ZNF236: variants seen among roughly 807,000 people sequenced by gnomAD.
ZNF236 encodes the protein regulated by glucose.
A neutral mutation model predicts 191.2 loss-of-function variants in ZNF236; 50 were observed. The observed-to-expected ratio is 0.26, with a 90% CI of 0.21 to 0.33. The LOEUF is 0.33. ZNF236 is among the 10% of genes least tolerant of loss of function. ZNF236 has a pLI of 1.00. For synonymous variants in ZNF236, 907 were observed against 928.8 expected, an observed-to-expected ratio of 0.98 and a Z score of 0.43; for missense variants, 1,754 against 2,374.5, an observed-to-expected ratio of 0.74 and a Z score of 5.43.
chr18:76,943,400 A>G (rs1968187369), intron 26 of ZNF236, among the ~76,000 whole-genome samples: 1 of 152,160 alleles, frequency 6.6e-6, no homozygotes, highest in African/African-American at 2.4e-5. Context: ...CTGAAGTCTG[A>G]CAGTTTTATC....
chr18:76,907,295 G>T (rs1415701048), intron 13 of ZNF236, among the ~76,000 whole-genome samples: 1 of 152,260 alleles, frequency 6.6e-6, no homozygotes, highest in Non-Finnish European at 1.5e-5. Flanking sequence ...GATGCAGCTT[G>T]TATGGTCTGT....
intron 4 of ZNF236, among the ~76,000 whole-genome samples, chr18:76,870,058 T>G (rs543716607): frequency 6.6e-6 from 1 of 152,362 alleles, no homozygotes; most frequent in South Asian, 2.1e-4. Flanking sequence ...TTAGGAAATA[T>G]CTGTACTTCT....
chr18:76,889,856 CTG>C (rs1977175470), intron 9 of ZNF236, among the ~76,000 whole-genome samples: 1 of 152,176 alleles, frequency 6.6e-6, no homozygotes, highest in South Asian at 2.1e-4. Context: ...GCACAGGCAT[CTG>C]TGTGATTGTT....
chr18:76,846,276 C>T (rs958816239), intron 1 of ZNF236, among the ~76,000 whole-genome samples: 8 of 152,178 alleles, frequency 5.3e-5, no homozygotes, highest in African/African-American at 1.9e-4. Context: ...TGATAGACCT[C>T]GTTCTGAACA....
intron 9 of ZNF236, among the ~76,000 whole-genome samples, chr18:76,884,349 C>T (rs954016110): frequency 8.0e-5 from 12 of 150,286 alleles, no homozygotes; most frequent in African/African-American, 1.2e-4. Flanking sequence ...TGCAGTGAGC[C>T]GAGATCATGC....
intron 30 of ZNF236, among the ~76,000 whole-genome samples, chr18:76,966,157 A>G (rs981670272): frequency 6.6e-6 from 1 of 152,082 alleles, no homozygotes; most frequent in East Asian, 1.9e-4. Flanking sequence ...TTATTCCCCT[A>G]GTTGTTTGGG....
Position 76,915,635 on chromosome 18 carries a change from C to A in ZNF236, c.3062-12C>A. The A allele has an allele frequency of 1.2e-6, 2 of 1,609,248 alleles. No homozygotes were observed. The stretch of plus-strand genomic sequence containing the variant: ...TTGGTTCCAGCCGTTTTTTCTGTTT[C>A]TGTGCTTGCAGGAGTGAAGGCGTTC... On this transcript the variant is annotated splice_polypyrimidine_tract_variant and intron_variant, in intron 18 of 30. Coordinates refer to ENST00000320610, the MANE Select transcript of ZNF236 (RefSeq NM_001306089.2).
intron 21 of ZNF236, among the ~76,000 whole-genome samples, chr18:76,924,721 A>T (rs1050822158): frequency 2.6e-5 from 4 of 152,208 alleles, no homozygotes; most frequent in Non-Finnish European, 5.9e-5. Flanking sequence ...TTTCCTTTGC[A>T]TATTCTCCCA....
Position 76,910,063 on chromosome 18 carries a change from C to A in ZNF236, c.2552-5C>A. 1 of 1,605,982 alleles carries A rather than the reference C, an allele frequency of 6.2e-7. No individual in the cohort carries two copies. On this transcript the variant is annotated splice_region_variant and splice_polypyrimidine_tract_variant and intron_variant, in intron 14 of 30. Transcript: ENST00000320610. ...GCGTCCCCCTTTTTTACATCTCATC[C>A]TCAGATGGGTTTGTGGCTCCACAGG...
At chr18:76,962,591 A>G (rs1255202961) in intron 30 of ZNF236, among the ~76,000 whole-genome samples, 2 of 152,144 alleles carry the variant, frequency 1.3e-5, no homozygotes, top group Non-Finnish European at 2.9e-5. Context: ...TAATTCTGTG[A>G]AGAATGATGT....
chr18:76,935,826 G>A (rs1251668391), intron 25 of ZNF236, among the ~76,000 whole-genome samples: 3 of 152,236 alleles, frequency 2.0e-5, no homozygotes, highest in Non-Finnish European at 2.9e-5. Context: ...GCATGCAGAC[G>A]TCCTCCACAA....
At chr18:76,865,923 C>A (rs970803259) in intron 3 of ZNF236, among the ~76,000 whole-genome samples, 12 of 152,150 alleles carry the variant, frequency 7.9e-5, no homozygotes, top group African/African-American at 2.2e-4. Context: ...GTTTTACTTT[C>A]AGAACACTGA....
intron 20 of ZNF236, among the ~76,000 whole-genome samples, chr18:76,922,839 G>A (rs980316391): frequency 6.6e-6 from 1 of 152,178 alleles, no homozygotes; most frequent in African/African-American, 2.4e-5. Context: ...TTACAGGCGT[G>A]AGCCACCGCT....
Position 76,905,315 on chromosome 18 carries a change from C to T in ZNF236, c.2197C>T (p.His733Tyr). The T allele has an allele frequency of 6.2e-7, 1 of 1,614,150 alleles. No individual in the cohort carries two copies. The highest frequency in any genetic ancestry group is 8.5e-7 in the Non-Finnish European group (1 of 1,180,034). Reference sequence around the variant, plus strand: ...CACTACTGGTGGCAGCTTACGGCGACACATGGGTATCCACAACGACCTTCG... The same window carrying T: ...CACTACTGGTGGCAGCTTACGGCGATACATGGGTATCCACAACGACCTTCG... ...AFTTGGSLRRHMGIHNDLRPY... is the reference protein window; with the variant it reads ...AFTTGGSLRRYMGIHNDLRPY... The change falls in exon 13 of 31, where the codon CAC becomes TAC. Residue 733 changes from histidine (H) to tyrosine (Y), a missense_variant. Physicochemically the swap from His to Tyr is moderately conservative, Grantham distance 83 (BLOSUM62 2). Transcript: ENST00000320610.
intron 1 of ZNF236, among the ~76,000 whole-genome samples, chr18:76,846,692 C>T (rs1385046677): frequency 1.3e-5 from 2 of 152,042 alleles, no homozygotes; most frequent in East Asian, 1.9e-4. Flanking sequence ...AGAGACTTAC[C>T]GAAATAATTA....
intron 11 of ZNF236, among the ~76,000 whole-genome samples, chr18:76,900,743 T>G (rs1977565937): frequency 6.6e-6 from 1 of 152,130 alleles, no homozygotes; most frequent in Non-Finnish European, 1.5e-5. Flanking sequence ...TGAAAATAAG[T>G]AAAATATTTA....
At position 76,851,879 on chromosome 18, in the gene ZNF236, C is replaced by T; in HGVS notation, c.303C>T (p.Asn101=). 6.2e-7 allele frequency: 1 copy of T among 1,613,864 alleles called. No homozygotes were observed. The highest frequency in any genetic ancestry group is 1.1e-5 in the South Asian group (1 of 90,974). Residue 101 remains asparagine, a synonymous_variant, in exon 3 of 31, where the codon AAC becomes AAT. Coordinates refer to ENST00000320610, the MANE Select transcript of ZNF236 (RefSeq NM_001306089.2). ...AAGATCCTACCTGCCCTGTGTGTAACAAGAAATTCTCCAGAGTGGCTAGTC... is the reference window on the plus strand; with the variant it reads ...AAGATCCTACCTGCCCTGTGTGTAATAAGAAATTCTCCAGAGTGGCTAGTC... ...SGEDPTCPVC[N]KKFSRVASLK...
chr18:76,856,740 T>C (rs1976051678), intron 3 of ZNF236, among the ~76,000 whole-genome samples: 1 of 152,224 alleles, frequency 6.6e-6, no homozygotes, highest in African/African-American at 2.4e-5. Flanking sequence ...TAGGTTTTTC[T>C]GCCTTGTGTG....
chr18:76,925,384 C>T lies in ZNF236; in HGVS notation c.3857C>T (p.Pro1286Leu), dbSNP rs748871409. Residue 1286 changes from proline to leucine, a missense_variant, in exon 22 of 31, where the codon CCT becomes CTT. Physicochemically the swap from Pro to Leu is moderately conservative, Grantham distance 98. Transcript: ENST00000320610. The surrounding 1 kb of genome is among the most constrained non-coding windows in gnomAD (Gnocchi z 5.7). Reference protein sequence around the residue: ...YKPDPKKARKPMTRSSSEGLQ... With the variant: ...YKPDPKKARKLMTRSSSEGLQ... The stretch of plus-strand genomic sequence containing the variant: ...CCAGACCCAAAGAAGGCCAGAAAGC[C>T]TATGACTCGAAGCTCATCGGAAGGA... The T allele has an allele frequency of 1.2e-6, 2 of 1,614,190 alleles. No homozygotes were observed. Among genetic ancestry groups the T allele is most frequent in the South Asian group, 2.2e-5 (2 of 91,082 alleles).
Sources: allele counts gnomAD v4.1 joint callset (sites outside exome capture counted in the v4.1 genomes callset), GRCh38; gene constraint gnomAD v4.1.1; non-coding constraint Gnocchi (gnomAD v3.1); transcripts MANE v1.5; gene names NCBI Gene and HGNC (gene_info 2026-07-23, HGNC 2026-07-21).